LYSMD1: variants seen among roughly 807,000 people sequenced by gnomAD.
The protein encoded by LYSMD1 is lysM and putative peptidoglycan-binding domain-containing protein 1.
A neutral mutation model predicts 19.3 loss-of-function variants in LYSMD1; 9 were observed. The ratio of observed to expected loss-of-function variants is 0.47; its 90% CI spans 0.28 to 0.81. The LOEUF is 0.81. Among genes scored for constraint, LYSMD1 ranks in the 40% least tolerant of loss-of-function variants. The probability of loss-of-function intolerance (pLI) is 0.11; values close to 1 mark genes in which losing one functional copy is unlikely to be tolerated. For missense variants in LYSMD1, 262 were observed against 279.8 expected (o/e 0.94, Z 0.45); for synonymous variants, 111 against 111.7 (o/e 0.99, Z 0.04).
chr1:151,158,789 T>C (rs768943835), downstream of LYSMD1: 1 of 1,613,888 alleles, frequency 6.2e-7, no homozygotes, highest in East Asian at 2.2e-5. Context: ...CATCTCTTCA[T>C]AGATGAGACA....
chr1:151,155,726 CAACA>C (rs1017735613), downstream of LYSMD1, among the ~76,000 whole-genome samples: 2 of 152,034 alleles, frequency 1.3e-5, no homozygotes, highest in Admixed American at 6.6e-5. Flanking sequence ...AAAAACAAAA[CAACA>C]AACAAACAAA....
At chr1:151,164,951 A>T in intron 1 of LYSMD1, 128 bp downstream of exon 1, 1 of 765,994 alleles carries the variant, frequency 1.3e-6, no homozygotes, top group Non-Finnish European at 2.1e-6. Context: ...GAAAACAAAG[A>T]TAAAGGCAGA....
At position 151,162,059 on chromosome 1, in the gene LYSMD1, G is replaced by C. The variant is rs74888559; in HGVS notation, c.222C>G (p.Asp74Glu). 16 of 1,611,236 alleles carry C rather than the reference G, an allele frequency of 9.9e-6. No homozygotes were observed. The Admixed American group carries it at 2.7e-4, about 27-fold the overall frequency. Reference protein sequence around the residue: ...IKRANRLYTNDSIFLKKTLYI... With the variant: ...IKRANRLYTNESIFLKKTLYI... ...AGAGGGTTTTCTTCAGGAAGATGGA[G>C]TCATTAGTATAAAGGCGGTTTGCAC... Residue 74 changes from aspartate to glutamate, a missense_variant, in exon 2 of 3, where the codon GAC (aspartate) becomes GAG (glutamate). Physicochemically the swap from Asp to Glu is conservative, Grantham distance 45 (BLOSUM62 2). Transcript: ENST00000368908.
At chr1:151,164,996 G>T in intron 1 of LYSMD1, 83 bp downstream of exon 1, 2 of 1,189,502 alleles carry the variant, frequency 1.7e-6, no homozygotes, top group Non-Finnish European at 2.4e-6. Context: ...TTTCAGGGGA[G>T]GTTACCTAGA....
intron 1 of LYSMD1, among the ~76,000 whole-genome samples, chr1:151,163,016 C>T (rs1683508914): frequency 6.6e-6 from 1 of 152,174 alleles, no homozygotes; most frequent in Non-Finnish European, 1.5e-5. Context: ...TTTCTCAATC[C>T]AGCTCCCAAA....
At chr1:151,148,753 C>A in the LYSMD1 span, among the ~76,000 whole-genome samples, 1 of 152,064 alleles carries the variant, frequency 6.6e-6, no homozygotes, top group Admixed American at 6.5e-5. Flanking sequence ...ACTTGGTTAG[C>A]AAGGAGCCTG....
At chr1:151,151,370 T>G in the LYSMD1 span, among the ~76,000 whole-genome samples, 1 of 151,130 alleles carries the variant, frequency 6.6e-6, no homozygotes, top group Non-Finnish European at 1.5e-5. Flanking sequence ...TTTTTTTTTT[T>G]TTGTATTTTC....
the LYSMD1 span, among the ~76,000 whole-genome samples, chr1:151,151,516 T>C: frequency 6.6e-6 from 1 of 151,684 alleles, no homozygotes; most frequent in Non-Finnish European, 1.5e-5. Flanking sequence ...ACTGTTTATA[T>C]GTTGCTTACC....
chr1:151,150,711 T>C, the LYSMD1 span, among the ~76,000 whole-genome samples: 2 of 151,578 alleles, frequency 1.3e-5, no homozygotes, highest in Non-Finnish European at 2.9e-5. Flanking sequence ...CTTCTATTAA[T>C]ATGGCTTTTC....
the LYSMD1 span, among the ~76,000 whole-genome samples, chr1:151,154,053 T>C: frequency 6.6e-6 from 1 of 152,222 alleles, no homozygotes; most frequent in Middle Eastern, 3.2e-3. Flanking sequence ...ACTACCATTT[T>C]CCCCTCATAT....
At chr1:151,150,884 G>A in the LYSMD1 span, among the ~76,000 whole-genome samples, 3 of 150,832 alleles carry the variant, frequency 2.0e-5, no homozygotes, top group South Asian at 2.1e-4. Context: ...GATTACAGGC[G>A]CCCACCACCA....
downstream of LYSMD1, chr1:151,158,852 G>C: frequency 6.2e-7 from 1 of 1,614,198 alleles, no homozygotes; most frequent in Non-Finnish European, 8.5e-7. Flanking sequence ...TACACGCACA[G>C]CCGGCCCCAG....
chr1:151,151,508 T>G, the LYSMD1 span, among the ~76,000 whole-genome samples: 1 of 151,022 alleles, frequency 6.6e-6, no homozygotes, highest in Admixed American at 6.6e-5. Context: ...CACAATAAAC[T>G]GTTTATATGT....
Position 151,161,675 on chromosome 1 carries a change from GT to G in LYSMD1, c.545+60del, listed in dbSNP as rs1347956494. On this transcript the variant is annotated intron_variant, in intron 2 of 2. Coordinates refer to ENST00000368908, the MANE Select transcript of LYSMD1 (RefSeq NM_212551.5). The stretch of plus-strand genomic sequence containing the variant: ...CTTACTTACTTGTGTTTGTGGTTAG[GT>G]AAGACAGGAATGATGGAGGAGTCTA... 6 of 1,570,948 alleles carry G rather than the reference GT, an allele frequency of 3.8e-6. No individual in the cohort carries two copies. In the Admixed American group the frequency reaches 8.4e-5, roughly 22 times the overall value.
At position 151,165,570 on chromosome 1, in the gene LYSMD1, T is replaced by C; in HGVS notation, c.-312A>G. ...TCTGACCTTTGAACTCTAGAAATAA[T>C]CCTCAACACTCTTTCCTCAGTTTGC... On this transcript the variant is annotated 5_prime_UTR_variant, in exon 1 of 3. Transcript: ENST00000368908. 6.8e-7 allele frequency: 1 copy of C among 1,472,184 alleles called. No individual in the cohort carries two copies. The highest frequency in any genetic ancestry group is 1.4e-5 in the South Asian group (1 of 72,248). 91.2% of individuals were successfully genotyped at this position (1,472,184 alleles called of 1,614,324 possible).
the LYSMD1 span, among the ~76,000 whole-genome samples, chr1:151,150,638 T>C: frequency 6.6e-6 from 1 of 152,208 alleles, no homozygotes; most frequent in African/African-American, 2.4e-5. Flanking sequence ...CTGAGGTCCC[T>C]CTTTCTCTTA....
At chr1:151,152,624 C>T in the LYSMD1 span, among the ~76,000 whole-genome samples, 8 of 133,070 alleles carry the variant, frequency 6.0e-5, no homozygotes, top group East Asian at 4.8e-4. Context: ...CACTTGAACC[C>T]AGGAGGCAGA....
the LYSMD1 span, among the ~76,000 whole-genome samples, chr1:151,149,156 C>T: frequency 6.6e-6 from 1 of 151,670 alleles, no homozygotes; most frequent in Non-Finnish European, 1.5e-5. Flanking sequence ...TTTGGGAGGC[C>T]GAAGTGGGCA....
chr1:151,162,141 G>T, intron 1 of LYSMD1, 41 bp from the exon 2 acceptor site: 8 of 1,564,032 alleles, frequency 5.1e-6, no homozygotes, highest in African/African-American at 1.4e-5. Context: ...CAGTAATAAT[G>T]ATCAATCTTA....
Sources: allele counts gnomAD v4.1 joint callset (sites outside exome capture counted in the v4.1 genomes callset), GRCh38; gene constraint gnomAD v4.1.1; transcripts MANE v1.5; gene names NCBI Gene and HGNC (gene_info 2026-07-23, HGNC 2026-07-21).